Variants in DCC observed in about 807,000 individuals in gnomAD.
DCC encodes netrin receptor DCC.
In DCC, 58 loss-of-function variants were observed where a neutral mutation model predicts 172.5. That is an observed-to-expected ratio of 0.34 (90% confidence interval 0.27 to 0.42). DCC has a LOEUF of 0.42. Among genes scored for constraint, DCC ranks in the 10% least tolerant of loss-of-function variants. The pLI is 1.00. For missense variants in DCC, 1,740 were observed against 1,791.0 expected, an observed-to-expected ratio of 0.97 and a Z score of 0.51; for synonymous variants, 709 against 644.5, an observed-to-expected ratio of 1.10 and a Z score of -1.52.
chr18:52,986,074 T>C (rs1217318902), intron 5 of DCC, among the ~76,000 whole-genome samples: 1 of 152,188 alleles, frequency 6.6e-6, no homozygotes, highest in Non-Finnish European at 1.5e-5. Context: ...TGAAATAGGA[T>C]GTTAAGTAAT....
intron 2 of DCC, among the ~76,000 whole-genome samples, chr18:52,791,016 G>T (rs2037755792): frequency 6.6e-6 from 1 of 152,182 alleles, no homozygotes; most frequent in African/African-American, 2.4e-5. Flanking sequence ...AAGAGCTAAG[G>T]TGGCGGAATG....
chr18:53,166,566 C>G (rs1359966012), intron 8 of DCC, among the ~76,000 whole-genome samples: 3 of 152,138 alleles, frequency 2.0e-5, no homozygotes, highest in Non-Finnish European at 4.4e-5. Context: ...CTGTTTCACC[C>G]CAACTCCCAA....
At chr18:52,798,736 C>T (rs1406021931) in intron 2 of DCC, among the ~76,000 whole-genome samples, 4 of 145,652 alleles carry the variant, frequency 2.7e-5, no homozygotes, top group Admixed American at 2.1e-4. Flanking sequence ...AGCCCCAAAC[C>T]ATTCGTATGA....
intron 1 of DCC, among the ~76,000 whole-genome samples, chr18:52,688,440 T>C (rs1293372587): frequency 6.6e-6 from 1 of 152,156 alleles, no homozygotes. Context: ...AAATTATTTT[T>C]AAGACCTTAG....
At chr18:52,710,038 C>A (rs2036269615) in intron 1 of DCC, among the ~76,000 whole-genome samples, 1 of 152,242 alleles carries the variant, frequency 6.6e-6, no homozygotes, top group Non-Finnish European at 1.5e-5. Flanking sequence ...ATCAATTTGG[C>A]AATTTTTTAA....
Position 53,015,480 on chromosome 18 carries a change from GC to G in DCC, c.986-47824del, listed in dbSNP as rs376813327. Reference sequence around the variant, plus strand: ...AACCTTCAGTTGGTTGTGTTTAGTTGCTAGTGGCTTTAGATGCCCCTTATGT... The same window carrying G: ...AACCTTCAGTTGGTTGTGTTTAGTTGTAGTGGCTTTAGATGCCCCTTATGT... On this transcript the variant is annotated intron_variant, in intron 5 of 28. Coordinates refer to ENST00000442544, the MANE Select transcript of DCC (RefSeq NM_005215.4). Among the ~76,000 whole-genome samples the G allele has an allele frequency of 1.6e-4, 24 of 152,224 alleles. 1 individual carries two copies. Among genetic ancestry groups the G allele is most frequent in the African/African-American group, 5.3e-4 (22 of 41,548 alleles).
intron 1 of DCC, among the ~76,000 whole-genome samples, chr18:52,716,310 C>G (rs1021874608): frequency 6.6e-6 from 1 of 152,184 alleles, no homozygotes; most frequent in African/African-American, 2.4e-5. Context: ...TCCCTGATAG[C>G]AGGGCTTTTC....
intron 2 of DCC, among the ~76,000 whole-genome samples, chr18:52,776,721 C>CA (rs148870306): frequency 0.053 from 8,042 of 152,140 alleles, 287 homozygotes; most frequent in South Asian, 0.16. Context: ...CACATACATA[C>CA]CAAAACATAC....
At chr18:52,521,664 G>A (rs934296430) in intron 1 of DCC, among the ~76,000 whole-genome samples, 1 of 152,062 alleles carries the variant, frequency 6.6e-6, no homozygotes, top group African/African-American at 2.4e-5. Context: ...TCAGTTTGGG[G>A]GAGGTATACA....
chr18:53,059,574 C>T (rs2144067557), intron 5 of DCC, among the ~76,000 whole-genome samples: 1 of 152,228 alleles, frequency 6.6e-6, no homozygotes, highest in South Asian at 2.1e-4. Flanking sequence ...TCCTTTTGCT[C>T]AGCGAACTTG....
intron 14 of DCC, among the ~76,000 whole-genome samples, chr18:53,329,944 T>C (rs2057511733): frequency 6.6e-6 from 1 of 152,216 alleles, no homozygotes; most frequent in Non-Finnish European, 1.5e-5. Context: ...TAAAGCTAGC[T>C]TCTCAAGCTG....
At chr18:53,047,428 C>CATATATACAT (rs2042265071) in intron 5 of DCC, among the ~76,000 whole-genome samples, 1 of 50,038 alleles carries the variant, frequency 2.0e-5, no homozygotes, top group African/African-American at 6.6e-5. Context: ...ATATATTTTA[C>CATATATACAT]ATATATATAT....
At chr18:52,928,654 A>G (rs2040255868) in intron 5 of DCC, among the ~76,000 whole-genome samples, 1 of 152,156 alleles carries the variant, frequency 6.6e-6, no homozygotes, top group South Asian at 2.1e-4. Context: ...TGAGACATTT[A>G]TTTGTTACAG....
In DCC at chr18:52,630,815, A is replaced by G. The variant is rs1302975566; in HGVS notation, c.92-121239A>G. Among the ~76,000 whole-genome samples, 5 of 152,346 alleles carry G rather than the reference A, an allele frequency of 3.3e-5. No individual in the cohort carries two copies. The South Asian group carries it at 6.2e-4, about 19-fold the overall frequency. On this transcript the variant is annotated intron_variant, in intron 1 of 28. Transcript: ENST00000442544. ...TTACTCCTTTGATTCATGTGGGCCT[A>G]CTACCTTGTACACAGCAAGTCATCC...
intron 27 of DCC, among the ~76,000 whole-genome samples, chr18:53,524,864 T>C (rs1169380483): frequency 1.3e-5 from 2 of 152,052 alleles, no homozygotes; most frequent in Admixed American, 1.3e-4. Flanking sequence ...TGTGCGAACT[T>C]AGGCAAGTTA....
At chr18:53,047,091 T>G (rs2042248029) in intron 5 of DCC, among the ~76,000 whole-genome samples, 1 of 150,626 alleles carries the variant, frequency 6.6e-6, no homozygotes, top group African/African-American at 2.4e-5. Flanking sequence ...CAAGCCCCAG[T>G]GGACAAATAT....
intron 14 of DCC, among the ~76,000 whole-genome samples, chr18:53,330,121 G>A (rs2057513909): frequency 6.6e-6 from 1 of 152,156 alleles, no homozygotes; most frequent in South Asian, 2.1e-4. Context: ...AAACTGGAAA[G>A]GCCCCAGGTG....
At chr18:52,567,658 C>G (rs1037587202) in intron 1 of DCC, among the ~76,000 whole-genome samples, 1 of 151,986 alleles carries the variant, frequency 6.6e-6, no homozygotes, top group Non-Finnish European at 1.5e-5. Context: ...AACAGAGATT[C>G]TAAAGCAGGG....
intron 1 of DCC, among the ~76,000 whole-genome samples, chr18:52,482,583 G>T (rs377470160): frequency 6.6e-6 from 1 of 152,114 alleles, no homozygotes; most frequent in African/African-American, 2.4e-5. Context: ...GAGCAAGAAA[G>T]CTCTCTGGGG....
Sources: allele counts gnomAD v4.1 joint callset (sites outside exome capture counted in the v4.1 genomes callset), GRCh38; gene constraint gnomAD v4.1.1; transcripts MANE v1.5; gene names NCBI Gene and HGNC (gene_info 2026-07-23, HGNC 2026-07-21).